The following OPRM1 variants were observed in gnomAD, a reference collection of about 807,000 sequenced individuals.
The protein encoded by OPRM1 is opioid receptor mu 1.
Under a neutral mutation model 31.8 loss-of-function variants are expected in OPRM1, and 27 were observed. The ratio of observed to expected loss-of-function variants is 0.85; its 90% CI spans 0.63 to 1.17. OPRM1 has a LOEUF of 1.17. Ranked by LOEUF, OPRM1 falls within the 50% of genes most tolerant of loss-of-function variation. The pLI, the probability that OPRM1 is intolerant of heterozygous loss-of-function variation, is 0.00. For missense variants in OPRM1, 536 were observed against 511.1 expected (o/e 1.05, Z -0.47); for synonymous variants, 196 against 189.9 (o/e 1.03, Z -0.26).
intron 3 of OPRM1, among the ~76,000 whole-genome samples, chr6:154,166,589 G>A (rs374551705): frequency 1.3e-5 from 2 of 152,148 alleles, no homozygotes; most frequent in Non-Finnish European, 2.9e-5. Flanking sequence ...AAAGCACCCT[G>A]AGCACATCTC....
intron 1 of OPRM1, among the ~76,000 whole-genome samples, chr6:154,072,586 A>C (rs1308231120): frequency 6.6e-6 from 1 of 152,222 alleles, no homozygotes; most frequent in East Asian, 1.9e-4. Flanking sequence ...AACACAATAG[A>C]AACTATTTTT....
chr6:154,053,738 C>T (rs1475268588), intron 1 of OPRM1, among the ~76,000 whole-genome samples: 1 of 152,206 alleles, frequency 6.6e-6, no homozygotes, highest in East Asian at 1.9e-4. Flanking sequence ...TCAGAGGAAA[C>T]TTTCTCCCAT....
At chr6:154,034,973 A>G (rs951353288), upstream of OPRM1, among the ~76,000 whole-genome samples, 8 of 152,222 alleles carry the variant, frequency 5.3e-5, no homozygotes, top group Admixed American at 5.2e-4. Flanking sequence ...ACAGTTAAAT[A>G]TAGTGTATTA....
chr6:154,039,426 G>A lies in OPRM1; in HGVS notation c.-119G>A, dbSNP rs776522590. The stretch of plus-strand genomic sequence containing the variant: ...TCTGTCTCAGCCAGGACTGGTTTCT[G>A]TAAGAAACAGCAGGAGCTGTGGCAG... On this transcript the variant is annotated 5_prime_UTR_variant, in exon 1 of 4. Transcript: ENST00000330432. The A allele has an allele frequency of 6.4e-7, 1 of 1,551,298 alleles. No homozygotes were observed.
At chr6:154,132,435 C>T (rs112455493), downstream of OPRM1, among the ~76,000 whole-genome samples, 1,591 of 152,210 alleles carry the variant, frequency 0.01, 33 homozygotes, top group African/African-American at 0.035. Flanking sequence ...AATGTTGCGA[C>T]GTAGGTAAAT....
chr6:154,212,379 T>A (rs1778031843), intron 3 of OPRM1, among the ~76,000 whole-genome samples: 1 of 152,198 alleles, frequency 6.6e-6, no homozygotes, highest in African/African-American at 2.4e-5. Context: ...CTGCTCTTTT[T>A]TCATCCTAAA....
In OPRM1 at chr6:154,214,817, A is replaced by G. The variant is rs533432884; in HGVS notation, c.1165-31876A>G. ...TTTAATTCCTTGAAGAATTTTATGT[A>G]AGGTAAAAATTGAAAATGTCCTATT... On this transcript the variant is annotated intron_variant, in intron 3 of 3. Coordinates refer to the OPRM1 transcript ENST00000337049. 2.4e-3 allele frequency among the ~76,000 whole-genome samples: 364 copies of G among 152,352 alleles called. 2 individuals carry two copies. The highest frequency in any genetic ancestry group is 4.3e-3 in the Non-Finnish European group (293 of 68,032).
chr6:154,154,301 G>A (rs995777392), intron 3 of OPRM1, among the ~76,000 whole-genome samples: 1 of 152,086 alleles, frequency 6.6e-6, no homozygotes, highest in Non-Finnish European at 1.5e-5. Flanking sequence ...ACCACATTTT[G>A]TAACTTTTAT....
At chr6:154,096,561 A>G (rs975722108) in intron 3 of OPRM1, among the ~76,000 whole-genome samples, 5 of 152,160 alleles carry the variant, frequency 3.3e-5, no homozygotes, top group African/African-American at 4.8e-5. Context: ...AACAACCACT[A>G]TAATAATAAT....
chr6:154,107,863 C>A (rs150821368), intron 3 of OPRM1: 1 of 694,092 alleles, frequency 1.4e-6, no homozygotes, highest in South Asian at 1.6e-5. Flanking sequence ...AGAAAAACGA[C>A]CTCATAACAC....
At chr6:154,183,200 C>T (rs572578416) in intron 3 of OPRM1, among the ~76,000 whole-genome samples, 226 of 152,092 alleles carry the variant, frequency 1.5e-3, no homozygotes, top group Admixed American at 4.8e-3. Context: ...AGGATGGTCT[C>T]GATCTCCTGA....
intron 3 of OPRM1, among the ~76,000 whole-genome samples, chr6:154,234,581 G>T (rs546694858): frequency 1.3e-5 from 2 of 152,228 alleles, no homozygotes; most frequent in South Asian, 2.1e-4. Context: ...GTCAACCAAG[G>T]ATATGGCTCT....
rs1797243207 is a variant in OPRM1, at chr6:154,120,470, C to T, written c.*1749C>T. Among the ~76,000 whole-genome samples, 1 of 152,024 alleles carries T rather than the reference C, an allele frequency of 6.6e-6. No individual in the cohort carries two copies. Among genetic ancestry groups the T allele is most frequent in the Non-Finnish European group, 1.5e-5 (1 of 67,994 alleles). ...TCTCCATTTCTCAAATATTATGTTCCATAATAGACATACATTATGTTTAAT... is the reference window on the plus strand; with the variant it reads ...TCTCCATTTCTCAAATATTATGTTCTATAATAGACATACATTATGTTTAAT... On this transcript the variant is annotated 3_prime_UTR_variant, in exon 4 of 4. Transcript: ENST00000330432.
intron 3 of OPRM1, among the ~76,000 whole-genome samples, chr6:154,160,660 G>A (rs1798935515): frequency 6.6e-6 from 1 of 151,948 alleles, no homozygotes; most frequent in Non-Finnish European, 1.5e-5. Flanking sequence ...GTAACCAATG[G>A]CACACATTTC....
At chr6:154,016,962 G>T (rs1223235463) in intron 1 of OPRM1, among the ~76,000 whole-genome samples, 3 of 152,178 alleles carry the variant, frequency 2.0e-5, no homozygotes, top group African/African-American at 7.2e-5. Context: ...ATTGGGGTTT[G>T]TTCCCTTAAT....
At position 154,126,194 on chromosome 6, in the gene OPRM1, G is replaced by GA. The variant is rs11356195; in HGVS notation, c.*7483dup. Among the ~76,000 whole-genome samples the GA allele has an allele frequency of 2.1e-5, 3 of 145,092 alleles. No individual in the cohort carries two copies. The highest frequency in any genetic ancestry group is 4.5e-4 in the South Asian group (2 of 4,426). On this transcript the variant is annotated 3_prime_UTR_variant, in exon 4 of 4. Coordinates refer to ENST00000330432, the MANE Select transcript of OPRM1 (RefSeq NM_000914.5). ...AAACCACAGAAGATATAGGAGAAGA[G>GA]AAAAAAAAAAGAGGAAATAAAGAAG... is the stretch of plus-strand genomic sequence containing the variant.
chr6:154,225,786 A>AGG (rs1779201643), intron 3 of OPRM1, among the ~76,000 whole-genome samples: 1 of 152,238 alleles, frequency 6.6e-6, no homozygotes, highest in East Asian at 1.9e-4. Context: ...TGTTAGGCTA[A>AGG]GGCGTTTTTA....
intron 3 of OPRM1, among the ~76,000 whole-genome samples, chr6:154,180,771 T>C (rs987818450): frequency 6.6e-6 from 1 of 152,224 alleles, no homozygotes; most frequent in Non-Finnish European, 1.5e-5. Context: ...AGGAGGGGAA[T>C]TCATATGCCA....
chr6:154,047,231 T>C (rs1753011914), intron 1 of OPRM1, among the ~76,000 whole-genome samples: 1 of 112,908 alleles, frequency 8.9e-6, no homozygotes, highest in South Asian at 3.1e-4. Context: ...TGAGCAGAAA[T>C]GCAGGAAGGA....
Sources: gnomAD v4.1 joint callset for allele counts (sites outside exome capture counted in the v4.1 genomes callset) on GRCh38, gnomAD v4.1.1 for gene constraint, MANE v1.5 for transcripts, NCBI Gene and HGNC (gene_info 2026-07-23, HGNC 2026-07-21) for gene names.